The following PRKD1 variants were observed in gnomAD, a reference collection of about 807,000 sequenced individuals.
The protein encoded by PRKD1 is serine/threonine-protein kinase D1.
PRKD1 carries 63 observed loss-of-function variants against 95.9 expected under a neutral mutation model. That is an observed-to-expected ratio of 0.66 (90% CI 0.54 to 0.81). The LOEUF (loss-of-function observed/expected upper bound fraction) is 0.81. Among genes scored for constraint, PRKD1 ranks in the 30% least tolerant of loss-of-function variants. PRKD1 has a pLI of 0.00. For synonymous variants in PRKD1, 425 were observed against 423.1 expected (o/e 1.00, Z -0.05); for missense variants, 1,048 against 1,165.3 (o/e 0.90, Z 1.47).
At chr14:29,693,763 G>C (rs1212338780) in intron 2 of PRKD1, among the ~76,000 whole-genome samples, 1 of 151,652 alleles carries the variant, frequency 6.6e-6, no homozygotes. Context: ...TGAGGATGAA[G>C]ACTTTATAGG....
chr14:29,599,210 T>G lies in PRKD1; in HGVS notation c.2068-85A>C, dbSNP rs1893421474. 3 of 1,107,546 alleles carry G rather than the reference T, an allele frequency of 2.7e-6. No homozygotes were observed. The South Asian group carries it at 4.0e-5, about 15-fold the overall frequency. The allele number at this position is 1,107,546 out of a possible 1,614,324, so 68.6% of individuals were successfully genotyped here. On this transcript the variant is annotated intron_variant, in intron 14 of 17. Transcript: ENST00000331968. ...CAGTTAAAAGGCCAAGAAAAAAAAC[T>G]GACAATGGACATTCAAATTTCTTTA... is the stretch of plus-strand genomic sequence containing the variant.
chr14:29,768,905 A>T (rs1464624020), intron 1 of PRKD1, among the ~76,000 whole-genome samples: 1 of 152,074 alleles, frequency 6.6e-6, no homozygotes, highest in Non-Finnish European at 1.5e-5. Context: ...GCTTCTCAGG[A>T]CTAGCATGAT....
chr14:29,670,357 G>A (rs1483121888), intron 2 of PRKD1, among the ~76,000 whole-genome samples: 2 of 152,172 alleles, frequency 1.3e-5, no homozygotes, highest in Non-Finnish European at 1.5e-5. Context: ...GTCTGTCTAG[G>A]TCTGTCAGGG....
At chr14:29,679,497 G>C (rs941791056) in intron 2 of PRKD1, among the ~76,000 whole-genome samples, 1 of 152,118 alleles carries the variant, frequency 6.6e-6, no homozygotes, top group Non-Finnish European at 1.5e-5. Context: ...TTAAAACAAA[G>C]TGGAATTCAT....
At chr14:29,662,105 A>T (rs1210190384) in intron 4 of PRKD1, among the ~76,000 whole-genome samples, 1 of 152,140 alleles carries the variant, frequency 6.6e-6, no homozygotes, top group African/African-American at 2.4e-5. Flanking sequence ...GTTTAAAAAC[A>T]CAAAAATCCG....
chr14:29,896,386 A>C (rs558297324), intron 1 of PRKD1, among the ~76,000 whole-genome samples: 4 of 151,702 alleles, frequency 2.6e-5, no homozygotes, highest in African/African-American at 4.8e-5. Context: ...ACACACACAC[A>C]CCCATCAAGA....
Position 29,788,830 on chromosome 14 carries a change from T to C in PRKD1, c.265-63156A>G, listed in dbSNP as rs567876803. 3.9e-5 allele frequency among the ~76,000 whole-genome samples: 6 copies of C among 152,248 alleles called. No individual in the cohort carries two copies. The South Asian group carries it at 8.3e-4, about 21-fold the overall frequency. ...TCATGACTTCTTTTCTTGATCTCTT[T>C]GTATTTTTATCAGTGTATTCCTATA... On this transcript the variant is annotated intron_variant, in intron 1 of 17. Coordinates refer to ENST00000331968, the MANE Select transcript of PRKD1 (RefSeq NM_002742.3).
chr14:29,803,089 A>G (rs2139222897), intron 1 of PRKD1, among the ~76,000 whole-genome samples: 1 of 152,292 alleles, frequency 6.6e-6, no homozygotes, highest in South Asian at 2.1e-4. Context: ...TCCCTCCCAA[A>G]TGGTAGTATT....
chr14:29,728,871 T>C (rs1342011364), intron 1 of PRKD1, among the ~76,000 whole-genome samples: 3 of 152,108 alleles, frequency 2.0e-5, no homozygotes, highest in African/African-American at 7.2e-5. Flanking sequence ...ACCACCACAT[T>C]ATATTTATTA....
chr14:29,737,361 A>AAAAAAAC (rs1886780832), intron 1 of PRKD1, among the ~76,000 whole-genome samples: 1 of 144,936 alleles, frequency 6.9e-6, no homozygotes, highest in Non-Finnish European at 1.5e-5. Context: ...AAAAAAAAAA[A>AAAAAAAC]ATACTCTGCC....
At chr14:29,791,841 G>A (rs1368725623) in intron 1 of PRKD1, among the ~76,000 whole-genome samples, 2 of 152,040 alleles carry the variant, frequency 1.3e-5, no homozygotes, top group African/African-American at 4.8e-5. Flanking sequence ...TTTCTCTTAA[G>A]TAAGTACATA....
chr14:29,599,541 G>A (rs975124325), intron 14 of PRKD1, 115 bp downstream of exon 14: 12 of 955,336 alleles, frequency 1.3e-5, no homozygotes, highest in Admixed American at 5.3e-5. Context: ...ACCTTTTCTA[G>A]TGTAGTTTAG....
In PRKD1 at chr14:29,850,461, C is replaced by T. The variant is rs985178458; in HGVS notation, c.264+76788G>A. Among the ~76,000 whole-genome samples the T allele has an allele frequency of 2.0e-5, 3 of 151,424 alleles. No individual in the cohort carries two copies. In the East Asian group the frequency reaches 5.8e-4, roughly 29 times the overall value. Reference sequence around the variant, plus strand: ...AAAGCAACCCCATTCAAAACACACACACACACACACACACACACATATACA... The same window carrying T: ...AAAGCAACCCCATTCAAAACACACATACACACACACACACACACATATACA... On this transcript the variant is annotated intron_variant, in intron 1 of 17. Coordinates refer to ENST00000331968, the MANE Select transcript of PRKD1 (RefSeq NM_002742.3).
chr14:29,913,239 G>A (rs1386740916), intron 1 of PRKD1, among the ~76,000 whole-genome samples: 1 of 152,196 alleles, frequency 6.6e-6, no homozygotes, highest in Non-Finnish European at 1.5e-5. Context: ...TAATATACAT[G>A]ATTTGATGAC....
At chr14:29,825,484 A>C (rs1487811240) in intron 1 of PRKD1, among the ~76,000 whole-genome samples, 1 of 151,928 alleles carries the variant, frequency 6.6e-6, no homozygotes, top group Non-Finnish European at 1.5e-5. Context: ...TCACTCTAGT[A>C]AAAGTGGCAC....
chr14:29,747,573 TAAGTA>T (rs1369339867), intron 1 of PRKD1, among the ~76,000 whole-genome samples: 1 of 152,044 alleles, frequency 6.6e-6, no homozygotes, highest in Non-Finnish European at 1.5e-5. Context: ...AATAAATGGA[TAAGTA>T]AATTATGGTA....
At chr14:29,703,117 G>A (rs1424853398) in intron 2 of PRKD1, among the ~76,000 whole-genome samples, 1 of 152,020 alleles carries the variant, frequency 6.6e-6, no homozygotes, top group East Asian at 1.9e-4. Flanking sequence ...CTTTGTCTAT[G>A]CCTTCCTCTC....
At chr14:29,742,178 T>C (rs1456596149) in intron 1 of PRKD1, among the ~76,000 whole-genome samples, 1 of 152,172 alleles carries the variant, frequency 6.6e-6, no homozygotes, top group Non-Finnish European at 1.5e-5. Context: ...GAATTTCTTC[T>C]CCCCTTGTAA....
intron 1 of PRKD1, among the ~76,000 whole-genome samples, chr14:29,834,604 A>C (rs185572219): frequency 6.6e-6 from 1 of 152,030 alleles, no homozygotes; most frequent in African/African-American, 2.4e-5. Flanking sequence ...ACATAATAAT[A>C]ATTTTTCTCC....
Sources: gnomAD v4.1 joint callset for allele counts (sites outside exome capture counted in the v4.1 genomes callset) on GRCh38, gnomAD v4.1.1 for gene constraint, MANE v1.5 for transcripts, NCBI Gene and HGNC (gene_info 2026-07-23, HGNC 2026-07-21) for gene names.